GPD2: variants seen among roughly 807,000 people sequenced by gnomAD.
GPD2 encodes glycerol-3-phosphate dehydrogenase 2.
Under a neutral mutation model 82.4 loss-of-function variants are expected in GPD2, and 54 were observed. The observed-to-expected ratio is 0.66, with a 90% CI of 0.53 to 0.82. The LOEUF is 0.82. Ranked by LOEUF, GPD2 falls within the 40% of genes least tolerant of loss-of-function variation. The pLI is 0.00. For synonymous variants in GPD2, 288 were observed against 306.1 expected (o/e 0.94, Z 0.62); for missense variants, 748 against 896.2 (o/e 0.83, Z 2.11).
intron 1 of GPD2, among the ~76,000 whole-genome samples, chr2:156,467,910 T>G (rs956100885): frequency 6.6e-6 from 1 of 151,976 alleles, no homozygotes; most frequent in African/African-American, 2.4e-5. Context: ...AAGATACAGG[T>G]GTGTAAGTCC....
intron 1 of GPD2, 42 bp downstream of exon 1, chr2:156,436,555 T>A (rs1681925410): frequency 6.6e-6 from 1 of 152,210 alleles, no homozygotes; most frequent in Non-Finnish European, 1.5e-5. Flanking sequence ...CCTCTAGTAT[T>A]CTAGGGGGGG....
chr2:156,515,413 A>G (rs1370190459), intron 6 of GPD2, among the ~76,000 whole-genome samples: 2 of 152,130 alleles, frequency 1.3e-5, no homozygotes, highest in East Asian at 3.9e-4. Flanking sequence ...ATATTAGCAA[A>G]TGTCATATCT....
At chr2:156,514,442 A>G (rs1201204286) in intron 6 of GPD2, among the ~76,000 whole-genome samples, 1 of 150,454 alleles carries the variant, frequency 6.6e-6, no homozygotes, top group East Asian at 2.0e-4. Flanking sequence ...TTTTCTATCT[A>G]GTATTAGATA....
intron 9 of GPD2, among the ~76,000 whole-genome samples, chr2:156,564,642 A>T (rs959038983): frequency 6.6e-6 from 1 of 152,110 alleles, no homozygotes; most frequent in Non-Finnish European, 1.5e-5. Context: ...CATAAAAACC[A>T]TTACATCTCA....
At chr2:156,518,926 T>C (rs1166868723) in intron 6 of GPD2, among the ~76,000 whole-genome samples, 3 of 152,230 alleles carry the variant, frequency 2.0e-5, no homozygotes, top group African/African-American at 4.8e-5. Context: ...ACTTGCTTCT[T>C]AATGCAATTC....
At chr2:156,478,083 C>T (rs1016343157) in intron 2 of GPD2, among the ~76,000 whole-genome samples, 23 of 152,126 alleles carry the variant, frequency 1.5e-4, no homozygotes. Context: ...CTAGGTAACA[C>T]TGTTTTATCC....
intron 6 of GPD2, among the ~76,000 whole-genome samples, chr2:156,516,034 G>T (rs928933635): frequency 6.6e-6 from 1 of 152,134 alleles, no homozygotes; most frequent in Non-Finnish European, 1.5e-5. Context: ...AGGAATGAAC[G>T]CCTTTTTTCC....
intron 7 of GPD2, among the ~76,000 whole-genome samples, 182 bp from the exon 8 acceptor site, chr2:156,550,420 G>T (rs1686712179): frequency 1.3e-5 from 2 of 152,168 alleles, no homozygotes. Flanking sequence ...CTTGTTTTTG[G>T]TAAATTCACT....
At chr2:156,564,921 C>G (rs1687323169) in intron 9 of GPD2, among the ~76,000 whole-genome samples, 1 of 151,962 alleles carries the variant, frequency 6.6e-6, no homozygotes, top group African/African-American at 2.4e-5. Flanking sequence ...TTTCTTAACT[C>G]TTTTTTATTT....
At chr2:156,562,324 G>C (rs1219366791) in intron 9 of GPD2, among the ~76,000 whole-genome samples, 2 of 152,186 alleles carry the variant, frequency 1.3e-5, no homozygotes, top group African/African-American at 2.4e-5. Flanking sequence ...GCCAGAGATT[G>C]TACCAGGGTT....
intron 2 of GPD2, among the ~76,000 whole-genome samples, chr2:156,482,819 A>G (rs1683783897): frequency 6.6e-6 from 1 of 152,214 alleles, no homozygotes; most frequent in East Asian, 1.9e-4. Flanking sequence ...TATGAAAAAA[A>G]ACCCTGATAA....
chr2:156,423,749 A>C, the GPD2 span, among the ~76,000 whole-genome samples: 6 of 152,212 alleles, frequency 3.9e-5, no homozygotes, highest in African/African-American at 1.4e-4. Flanking sequence ...AGTGTTTGTC[A>C]TTCCATTTTT....
At chr2:156,574,101 C>A (rs531325009) in intron 13 of GPD2, among the ~76,000 whole-genome samples, 79 of 152,022 alleles carry the variant, frequency 5.2e-4, no homozygotes, top group African/African-American at 1.9e-3. Context: ...AGAAATATTT[C>A]GAGAAACTGT....
At chr2:156,451,960 G>A (rs1218561431) in intron 1 of GPD2, among the ~76,000 whole-genome samples, 8 of 150,818 alleles carry the variant, frequency 5.3e-5, no homozygotes, top group Admixed American at 2.6e-4. Flanking sequence ...CAGACGGGGC[G>A]GCGGGGCAGA....
At position 156,583,304 on chromosome 2, in the gene GPD2, A is replaced by G. The variant is rs1033879759; in HGVS notation, c.*386A>G. 1.5e-5 allele frequency: 4 copies of G among 264,734 alleles called. No individual in the cohort carries two copies. The highest frequency in any genetic ancestry group is 3.0e-5 in the Non-Finnish European group (4 of 134,450). The allele number at this position is 264,734 out of a possible 1,614,324, so 16.4% of individuals were successfully genotyped here. A position where few individuals can be genotyped will look rare whatever the true frequency, so the allele number is the denominator to read the frequency against. The stretch of plus-strand genomic sequence containing the variant: ...GAGACATTTTGTGACATGCATACAG[A>G]TAGCATGTGTTATTAAAAAGAGTTG... On this transcript the variant is annotated 3_prime_UTR_variant, in exon 17 of 17. Coordinates refer to ENST00000438166, the MANE Select transcript of GPD2 (RefSeq NM_000408.5).
intron 15 of GPD2, 57 bp downstream of exon 15, chr2:156,579,221 A>C: frequency 1.0e-6 from 1 of 999,098 alleles, no homozygotes; most frequent in Admixed American, 1.7e-5. Context: ...AAAATATTAG[A>C]TGTTTTTCTC....
At chr2:156,582,748 TAAGTTGGCCTGCGTTCTG>T (rs1688072429) in intron 16 of GPD2, 27 bp from the exon 17 acceptor site, 1 of 1,604,876 alleles carries the variant, frequency 6.2e-7, no homozygotes, top group Non-Finnish European at 8.5e-7. Flanking sequence ...AAGAAGAGAG[TAAGTTGGCCTGCGTTCTG>T]AATCTGTTGC....
At chr2:156,493,956 GTGTA>G (rs1022152155) in intron 2 of GPD2, among the ~76,000 whole-genome samples, 12 of 124,372 alleles carry the variant, frequency 9.6e-5, no homozygotes, top group African/African-American at 3.3e-4. Context: ...GTGTGTGTGT[GTGTA>G]TAATTTTTTT....
rs765904910 is a variant in GPD2 at position 156,569,388 on chromosome 2, T to A, written c.1326T>A (p.Ser442=). 1 of 1,611,466 alleles carries A rather than the reference T, an allele frequency of 6.2e-7. No individual in the cohort carries two copies. The highest frequency in any genetic ancestry group is 8.5e-7 in the Non-Finnish European group (1 of 1,177,688). Residue 442 remains serine (S), a synonymous_variant, in exon 11 of 17, where the codon TCT becomes TCA. Coordinates refer to ENST00000438166, the MANE Select transcript of GPD2 (RefSeq NM_000408.5). ...GTGGAAAGTGGACAACTTATCGGTC[T>A]ATGGCAGAAGATACCATAAATGCTG... ...IAGGKWTTYR[S]MAEDTINAAV...
Sources: gnomAD v4.1 joint callset for allele counts (sites outside exome capture counted in the v4.1 genomes callset) on GRCh38, gnomAD v4.1.1 for gene constraint, MANE v1.5 for transcripts, NCBI Gene and HGNC (gene_info 2026-07-23, HGNC 2026-07-21) for gene names.